HMG20A: variants seen among roughly 807,000 people sequenced by gnomAD.
The protein encoded by HMG20A is high mobility group protein 20A.
Under a neutral mutation model 43.9 loss-of-function variants are expected in HMG20A, and 17 were observed. The observed-to-expected ratio is 0.39, with a 90% CI of 0.27 to 0.58. The LOEUF (loss-of-function observed/expected upper bound fraction) is 0.58, where lower values mean the gene tolerates loss of function less well. Ranked by LOEUF, HMG20A falls within the 20% of genes least tolerant of loss-of-function variation. The pLI is 0.59. For synonymous variants in HMG20A, 132 were observed against 147.5 expected (o/e 0.89, Z 0.76); for missense variants, 341 against 438.2 (o/e 0.78, Z 1.98).
intron 1 of HMG20A, among the ~76,000 whole-genome samples, chr15:77,421,587 A>G (rs1316196395): frequency 6.6e-6 from 1 of 152,244 alleles, no homozygotes; most frequent in Non-Finnish European, 1.5e-5. Context: ...GACATGCAAC[A>G]GGAAATCTAG....
At chr15:77,438,732 A>G (rs1270591265) in intron 1 of HMG20A, among the ~76,000 whole-genome samples, 1 of 152,218 alleles carries the variant, frequency 6.6e-6, no homozygotes, top group African/African-American at 2.4e-5. Flanking sequence ...ACCCTTGAAA[A>G]AATGCCTGTT....
the HMG20A span, among the ~76,000 whole-genome samples, chr15:77,517,733 C>T: frequency 6.6e-6 from 1 of 151,954 alleles, no homozygotes; most frequent in Non-Finnish European, 1.5e-5. Context: ...GGCCTCAGAG[C>T]TGCATGTCAT....
At chr15:77,516,697 C>T in the HMG20A span, among the ~76,000 whole-genome samples, 233 of 152,098 alleles carry the variant, frequency 1.5e-3, 2 homozygotes, top group Non-Finnish European at 2.4e-3. Flanking sequence ...CGAGGCTTTG[C>T]GAAGAGGGGA....
chr15:77,433,744 T>G (rs569876307), intron 1 of HMG20A, among the ~76,000 whole-genome samples: 6 of 152,324 alleles, frequency 3.9e-5, no homozygotes, highest in South Asian at 4.1e-4. Context: ...CTATAAAACA[T>G]AGAGAGAAAC....
At chr15:77,456,236 TC>T (rs2072652910) in intron 1 of HMG20A, among the ~76,000 whole-genome samples, 1 of 152,156 alleles carries the variant, frequency 6.6e-6, no homozygotes, top group Non-Finnish European at 1.5e-5. Context: ...TCTAACAGGG[TC>T]ATGTTGGCAT....
At chr15:77,448,390 G>T (rs1296609016) in intron 1 of HMG20A, among the ~76,000 whole-genome samples, 1 of 151,140 alleles carries the variant, frequency 6.6e-6, no homozygotes, top group Admixed American at 6.6e-5. Flanking sequence ...TGCACTAGTT[G>T]TTTCCTCTGC....
At chr15:77,447,745 G>A (rs2073690572) in intron 1 of HMG20A, 1 of 152,162 alleles carries the variant, frequency 6.6e-6, no homozygotes, top group Non-Finnish European at 1.5e-5. Flanking sequence ...ATAACGGACT[G>A]TAAAATTCTA....
chr15:77,452,614 A>G (rs535160005), intron 1 of HMG20A, among the ~76,000 whole-genome samples: 7 of 152,238 alleles, frequency 4.6e-5, no homozygotes, highest in South Asian at 4.1e-4. Context: ...GAATGAATCA[A>G]AGGCATAAAT....
Position 77,477,566 on chromosome 15 carries a change from G to T in HMG20A, c.627G>T (p.Glu209Asp). The change falls in exon 7 of 10, where the codon GAG (glutamate) becomes GAT (aspartate). Residue 209 changes from glutamate to aspartate, a missense_variant. Glu to Asp is a conservative substitution (Grantham distance 45). Transcript: ENST00000336216. ...CTCTTGATTCACAGAAAGAAACAGA[G>T]GTAAAGGAACGGTCTGTTTTTGACA... ...QATHDHEKET[E>D]VKERSVFDIP... 1 of 1,610,130 alleles carries T rather than the reference G, an allele frequency of 6.2e-7. No individual in the cohort carries two copies. The highest frequency in any genetic ancestry group is 8.5e-7 in the Non-Finnish European group (1 of 1,176,762).
intron 1 of HMG20A, among the ~76,000 whole-genome samples, chr15:77,434,197 C>A (rs576639221): frequency 4.3e-4 from 66 of 152,162 alleles, no homozygotes; most frequent in Non-Finnish European, 7.1e-4. Context: ...TGAACCCTTA[C>A]CTCACAACAT....
At chr15:77,422,635 T>C (rs1259847895) in intron 1 of HMG20A, among the ~76,000 whole-genome samples, 2 of 152,072 alleles carry the variant, frequency 1.3e-5, no homozygotes, top group Non-Finnish European at 2.9e-5. Flanking sequence ...AATAAATAAA[T>C]AGCTGTTTGG....
At chr15:77,455,623 G>A (rs1466084796) in intron 1 of HMG20A, among the ~76,000 whole-genome samples, 1 of 152,114 alleles carries the variant, frequency 6.6e-6, no homozygotes, top group Non-Finnish European at 1.5e-5. Context: ...AAAGTGCAGT[G>A]AAGAGCCAAA....
At chr15:77,464,125 A>G in intron 2 of HMG20A, 115 bp from the exon 3 acceptor site, 1 of 1,128,448 alleles carries the variant, frequency 8.9e-7, no homozygotes, top group Non-Finnish European at 1.3e-6. Context: ...TATACAGATT[A>G]TTGGGGGAAT....
the HMG20A span, among the ~76,000 whole-genome samples, chr15:77,499,533 C>A: frequency 0.015 from 2,266 of 151,574 alleles, 51 homozygotes; most frequent in African/African-American, 0.05. Flanking sequence ...ATGCTCCCCC[C>A]CACACACACA....
At chr15:77,453,333 T>G (rs932550745) in intron 1 of HMG20A, among the ~76,000 whole-genome samples, 2 of 152,172 alleles carry the variant, frequency 1.3e-5, no homozygotes, top group Non-Finnish European at 2.9e-5. Flanking sequence ...GAAAAAATGC[T>G]TAACATCATT....
chr15:77,449,704 C>A (rs1440864516), intron 1 of HMG20A, among the ~76,000 whole-genome samples: 3 of 151,966 alleles, frequency 2.0e-5, no homozygotes, highest in Admixed American at 2.0e-4. Context: ...AATACAGAGA[C>A]TTCCTATATA....
intron 1 of HMG20A, among the ~76,000 whole-genome samples, chr15:77,434,287 G>A (rs1464465088): frequency 6.6e-6 from 1 of 152,054 alleles, no homozygotes; most frequent in Non-Finnish European, 1.5e-5. Context: ...ACACCTTTAT[G>A]ATCTTGGAGT....
chr15:77,499,653 T>C, the HMG20A span, among the ~76,000 whole-genome samples: 1 of 152,030 alleles, frequency 6.6e-6, no homozygotes, highest in African/African-American at 2.4e-5. Flanking sequence ...TAATAGCCCA[T>C]TGTTTTGTTT....
At chr15:77,509,398 G>A in the HMG20A span, among the ~76,000 whole-genome samples, 2 of 151,822 alleles carry the variant, frequency 1.3e-5, no homozygotes, top group Admixed American at 1.3e-4. Flanking sequence ...AAGACTATAG[G>A]TGCATACCAC....
Sources: gnomAD v4.1 joint callset for allele counts (sites outside exome capture counted in the v4.1 genomes callset) on GRCh38, gnomAD v4.1.1 for gene constraint, MANE v1.5 for transcripts, NCBI Gene and HGNC (gene_info 2026-07-23, HGNC 2026-07-21) for gene names.